Variants in AHSA1 observed in about 807,000 individuals in gnomAD.
AHSA1 encodes the protein activator of HSP90 ATPase activity 1, also known as activator of 90 kDa heat shock protein ATPase homolog 1.
In AHSA1, 14 loss-of-function variants were observed where a neutral mutation model predicts 46.1. That is an observed-to-expected ratio of 0.30 (90% CI 0.20 to 0.47). AHSA1 has a LOEUF of 0.47. Ranked by LOEUF, AHSA1 falls within the 20% of genes least tolerant of loss-of-function variation. The pLI is 0.99. For missense variants in AHSA1, 333 were observed against 415.9 expected (o/e 0.80, Z 1.73); for synonymous variants, 147 against 145.8 (o/e 1.01, Z -0.06).
chr14:77,458,287 AGGCCGGCCTT>A lies in AHSA1; in HGVS notation c.80+21_80+30del. 6.5e-7 allele frequency: 1 copy of A among 1,542,886 alleles called. No homozygotes were observed. The highest frequency in any genetic ancestry group is 8.7e-7 in the Non-Finnish European group (1 of 1,144,054). On this transcript the variant is annotated intron_variant, in intron 1 of 8. Transcript: ENST00000216479. ...TGGCACTGGTGAGGGCCAGAAAAGC[AGGCCGGCCTT>A]GGGAGACCTGCGGCCGGGCCAGGGT...
At position 77,469,255 on chromosome 14, in the gene AHSA1, G is replaced by A. The variant is rs768285181; in HGVS notation, c.*6G>A. On this transcript the variant is annotated 3_prime_UTR_variant, in exon 9 of 9. Transcript: ENST00000216479. ...ATGGCGCACGCTTATTTTAGGGCCA[G>A]CGGCAGGGGACTCCAGCCTGCTGGA... The A allele has an allele frequency of 6.2e-7, 1 of 1,613,434 alleles. No homozygotes were observed. The highest frequency in any genetic ancestry group is 1.7e-5 in the Admixed American group (1 of 59,968).
intron 8 of AHSA1, chr14:77,468,721 CTTTTTTTTTTTTTT>C (rs572116649): frequency 9.0e-6 from 2 of 222,878 alleles, no homozygotes; most frequent in Non-Finnish European, 7.2e-6. Context: ...ACCATGCCAG[CTTTTTTTTTTTTTT>C]TTTTTTTTTT....
chr14:77,457,897 G>A (rs1339343033), upstream of AHSA1: 3 of 495,754 alleles, frequency 6.1e-6, no homozygotes, highest in Admixed American at 3.8e-5. Flanking sequence ...GGTGAGGAAT[G>A]GTTGTATGAG....
chr14:77,461,003 C>CA (rs1368558866), intron 2 of AHSA1, among the ~76,000 whole-genome samples: 1 of 150,068 alleles, frequency 6.7e-6, no homozygotes, highest in African/African-American at 2.5e-5. Flanking sequence ...ACTAAAAATA[C>CA]AAAAAATTAG....
chr14:77,468,381 G>A, intron 7 of AHSA1, 76 bp from the exon 8 acceptor site: 1 of 1,391,984 alleles, frequency 7.2e-7, no homozygotes, highest in Non-Finnish European at 1.0e-6. Context: ...TCCGTATGAA[G>A]GGCAGATGAC....
Position 77,462,392 on chromosome 14 carries a change from A to C in AHSA1, c.354+150A>C, listed in dbSNP as rs11159262. On this transcript the variant is annotated intron_variant, in intron 3 of 8. Transcript: ENST00000216479. ...GATAATTTTCTAGGCATATGGTGCC[A>C]TTGGAAACTTCTAGAGCAATTTGCA... 5 of 800,318 alleles carry C rather than the reference A, an allele frequency of 6.2e-6. No homozygotes were observed. In the South Asian group the frequency reaches 7.1e-5, roughly 11 times the overall value. The allele number at this position is 800,318 out of a possible 1,614,324, so 49.6% of individuals were successfully genotyped here.
rs752159348 is a variant in AHSA1, at chr14:77,459,817, G to A, written c.271+11G>A. The A allele has an allele frequency of 1.2e-6, 2 of 1,613,962 alleles. No individual in the cohort carries two copies. The highest frequency in any genetic ancestry group is 1.7e-6 in the Non-Finnish European group (2 of 1,179,794). On this transcript the variant is annotated intron_variant, in intron 2 of 8. Coordinates refer to ENST00000216479, the MANE Select transcript of AHSA1 (RefSeq NM_012111.3). ...AACTAAACTGGACAGGTAAGTCTAA[G>A]CTGGGCTGTCAGAGAGATTAACTGT...
At chr14:77,460,522 G>A (rs1480033984) in intron 2 of AHSA1, among the ~76,000 whole-genome samples, 1 of 133,254 alleles carries the variant, frequency 7.5e-6, no homozygotes, top group East Asian at 2.0e-4. Flanking sequence ...AAGTACACTC[G>A]AAGCATAGTA....
At position 77,469,298 on chromosome 14, in the gene AHSA1, C is replaced by T; in HGVS notation, c.*49C>T. The T allele has an allele frequency of 6.3e-7, 1 of 1,591,388 alleles. No homozygotes were observed. The highest frequency in any genetic ancestry group is 2.2e-5 in the East Asian group (1 of 44,492). On this transcript the variant is annotated 3_prime_UTR_variant, in exon 9 of 9. Coordinates refer to ENST00000216479, the MANE Select transcript of AHSA1 (RefSeq NM_012111.3). ...CTGCTGGACACTTCAGTCCAGCTCT[C>T]TCCTGACTGGGGCTTGCGACTCACA... is the stretch of plus-strand genomic sequence containing the variant.
At chr14:77,457,929 T>C (rs886550755), upstream of AHSA1, 2 of 506,810 alleles carry the variant, frequency 3.9e-6, no homozygotes, top group East Asian at 6.8e-5. Context: ...CGGGACGCTT[T>C]TTGGGGAGAA....
intron 5 of AHSA1, among the ~76,000 whole-genome samples, chr14:77,465,180 A>G (rs763356855): frequency 1.8e-4 from 28 of 152,348 alleles, no homozygotes; most frequent in South Asian, 8.3e-4. Context: ...TTTTGTCAGC[A>G]TAGTGAAGTG....
At chr14:77,462,949 T>C (rs1036501967) in intron 4 of AHSA1, 190 bp downstream of exon 4, 7 of 523,746 alleles carry the variant, frequency 1.3e-5, no homozygotes, top group African/African-American at 1.2e-4. Context: ...CTAATAATGA[T>C]GGTTGAGCAT....
intron 8 of AHSA1, 30 bp from the exon 9 acceptor site, chr14:77,469,047 T>C (rs374531376): frequency 6.2e-7 from 1 of 1,609,870 alleles, no homozygotes; most frequent in Non-Finnish European, 8.5e-7. Context: ...AACCTAGATA[T>C]GAAACCTCCG....
At chr14:77,465,402 C>A in intron 5 of AHSA1, 137 bp from the exon 6 acceptor site, 1 of 982,064 alleles carries the variant, frequency 1.0e-6, no homozygotes, top group East Asian at 2.6e-5. Context: ...ACTCAAATTC[C>A]CTTCAAACCC....
chr14:77,468,243 C>A (rs948747594), intron 7 of AHSA1, 59 bp downstream of exon 7: 1 of 1,264,858 alleles, frequency 7.9e-7, no homozygotes, highest in Non-Finnish European at 1.1e-6. Flanking sequence ...AGTGACATTT[C>A]TCTTTTTCTG....
chr14:77,467,706 AAT>A (rs1365299758), intron 6 of AHSA1, among the ~76,000 whole-genome samples: 4 of 55,446 alleles, frequency 7.2e-5, no homozygotes, highest in Non-Finnish European at 2.6e-4. Context: ...TAAATAAAAA[AAT>A]AAAATAAAAT....
intron 6 of AHSA1, 113 bp from the exon 7 acceptor site, chr14:77,467,970 G>A: frequency 1.4e-6 from 1 of 712,576 alleles, no homozygotes; most frequent in South Asian, 2.0e-5. Flanking sequence ...GGGGCAGACT[G>A]GTGGAAATGA....
chr14:77,465,391 C>T, intron 5 of AHSA1, 148 bp from the exon 6 acceptor site: 3 of 852,968 alleles, frequency 3.5e-6, no homozygotes, highest in Non-Finnish European at 5.2e-6. Flanking sequence ...AACACCTACA[C>T]ACTCAAATTC....
At chr14:77,460,930 T>A (rs575060129) in intron 2 of AHSA1, among the ~76,000 whole-genome samples, 39 of 149,590 alleles carry the variant, frequency 2.6e-4, no homozygotes, top group Middle Eastern at 3.6e-3. Context: ...GAGGCCAAGG[T>A]GGGCGGATCA....
Sources: allele counts gnomAD v4.1 joint callset (sites outside exome capture counted in the v4.1 genomes callset), GRCh38; gene constraint gnomAD v4.1.1; transcripts MANE v1.5; gene names NCBI Gene and HGNC (gene_info 2026-07-23, HGNC 2026-07-21).